Variants in ZBTB40 observed in about 807,000 individuals in gnomAD.
ZBTB40 encodes the protein zinc finger and BTB domain containing 40.
Under a neutral mutation model 117.5 loss-of-function variants are expected in ZBTB40, and 60 were observed. That is an observed-to-expected ratio of 0.51 (90% confidence interval 0.41 to 0.63). The LOEUF (loss-of-function observed/expected upper bound fraction) is 0.63. Among genes scored for constraint, ZBTB40 ranks in the 30% least tolerant of loss-of-function variants. ZBTB40 has a pLI of 0.00. For synonymous variants in ZBTB40, 525 were observed against 577.1 expected (o/e 0.91, Z 1.29); for missense variants, 1,287 against 1,498.5 (o/e 0.86, Z 2.33).
chr1:22,524,222 C>G lies in ZBTB40; in HGVS notation c.3303C>G (p.Ser1101=), dbSNP rs1639614758. 6.2e-7 allele frequency: 1 copy of G among 1,614,036 alleles called. No homozygotes were observed. Among genetic ancestry groups the G allele is most frequent in the Non-Finnish European group, 8.5e-7 (1 of 1,180,044 alleles). The change falls in exon 17 of 18, where the codon TCC becomes TCG. Residue 1101 remains serine, a synonymous_variant. Transcript: ENST00000375647. ...QVHVKCQHSG[S]QPFRCLYCAA... is the part of the protein sequence containing the mutation. ...TTCTGTCTCCCTCTCCTCCAGGGTC[C>G]CAGCCATTCCGGTGCTTGTACTGTG...
chr1:22,431,284 TATATATTGA>T (rs932415136), intron 1 of ZBTB40, among the ~76,000 whole-genome samples: 113 of 147,044 alleles, frequency 7.7e-4, no homozygotes, highest in Non-Finnish European at 1.3e-3. Context: ...TACAATATTG[TATATATTGA>T]ATATATTGAA....
chr1:22,485,868 T>G (rs1638452542), intron 1 of ZBTB40, among the ~76,000 whole-genome samples: 1 of 152,216 alleles, frequency 6.6e-6, no homozygotes, highest in African/African-American at 2.4e-5. Context: ...GTTATGGTGT[T>G]TTTTATCTCT....
At chr1:22,431,072 G>A (rs1484406564) in intron 1 of ZBTB40, among the ~76,000 whole-genome samples, 1 of 151,406 alleles carries the variant, frequency 6.6e-6, no homozygotes, top group Non-Finnish European at 1.5e-5. Context: ...CCTTGCTTTT[G>A]TTCTCTCTTC....
Position 22,471,117 on chromosome 1 carries a change from C to A in ZBTB40, c.-69-18763C>A, listed in dbSNP as rs143036941. The stretch of plus-strand genomic sequence containing the variant: ...CTTTGACAGGTTAAGATTTCTGTAT[C>A]GGCAAGGTTGACAACCAAACTAGAC... On this transcript the variant is annotated intron_variant, in intron 1 of 17. Transcript: ENST00000375647. 8.1e-3 allele frequency among the ~76,000 whole-genome samples: 1,241 copies of A among 152,364 alleles called. 6 individuals are homozygous for A. The highest frequency in any genetic ancestry group is 0.013 in the Non-Finnish European group (911 of 68,038).
intron 8 of ZBTB40, 113 bp from the exon 9 acceptor site, chr1:22,508,987 A>G: frequency 6.5e-7 from 1 of 1,548,434 alleles, no homozygotes; most frequent in Middle Eastern, 1.7e-4. Context: ...CCAACCTCAG[A>G]TAGGAGATAG....
intron 14 of ZBTB40, 29 bp downstream of exon 14, chr1:22,520,304 C>A (rs774412789): frequency 9.5e-6 from 15 of 1,573,800 alleles, no homozygotes; most frequent in Admixed American, 5.0e-5. Flanking sequence ...GGGAGCTCTT[C>A]CCCTCACCCC....
chr1:22,480,610 A>G (rs1189322203), intron 1 of ZBTB40, among the ~76,000 whole-genome samples: 1 of 151,878 alleles, frequency 6.6e-6, no homozygotes, highest in Admixed American at 6.6e-5. Flanking sequence ...TCGGCCTCCC[A>G]AAGTGCTGGG....
chr1:22,443,408 G>T (rs1405108114), intron 1 of ZBTB40, among the ~76,000 whole-genome samples: 1 of 152,236 alleles, frequency 6.6e-6, no homozygotes, highest in Non-Finnish European at 1.5e-5. Flanking sequence ...CAAAGCAGGG[G>T]CAAGGGCCTT....
At chr1:22,443,895 A>G (rs919530797) in intron 1 of ZBTB40, among the ~76,000 whole-genome samples, 1 of 152,182 alleles carries the variant, frequency 6.6e-6, no homozygotes, top group Admixed American at 6.5e-5. Flanking sequence ...AGTAGTGTAT[A>G]AACTCCAAAG....
At chr1:22,494,414 GTATAGAAAAAT>G (rs1638716565) in intron 3 of ZBTB40, among the ~76,000 whole-genome samples, 1 of 152,182 alleles carries the variant, frequency 6.6e-6, no homozygotes, top group South Asian at 2.1e-4. Flanking sequence ...CTCTAGCAAT[GTATAGAAAAAT>G]CATCTGAGGT....
chr1:22,467,408 A>G (rs1236415331), intron 1 of ZBTB40, among the ~76,000 whole-genome samples: 1 of 152,196 alleles, frequency 6.6e-6, no homozygotes, highest in Admixed American at 6.5e-5. Context: ...TTACCAGATT[A>G]TACTTCCATC....
At chr1:22,524,722 G>A (rs528592944) in intron 17 of ZBTB40, among the ~76,000 whole-genome samples, 61 of 152,320 alleles carry the variant, frequency 4.0e-4, no homozygotes, top group African/African-American at 1.4e-3. Context: ...GAAACACCGT[G>A]GGGTGTGGTG....
chr1:22,462,749 C>T (rs1205121399), intron 1 of ZBTB40, among the ~76,000 whole-genome samples: 4 of 152,122 alleles, frequency 2.6e-5, no homozygotes, highest in Non-Finnish European at 4.4e-5. Context: ...ATAGCCCAGC[C>T]GTCTTGTTAT....
At chr1:22,524,486 G>A (rs1006397671) in intron 17 of ZBTB40, 42 bp downstream of exon 17, 2 of 1,586,928 alleles carry the variant, frequency 1.3e-6, no homozygotes, top group African/African-American at 2.7e-5. Flanking sequence ...GCTAATGCAT[G>A]GTTCCTAAGG....
rs1639760518 is a variant in ZBTB40 at position 22,529,069 on chromosome 1, A to T, written c.*2673A>T. On this transcript the variant is annotated 3_prime_UTR_variant, in exon 18 of 18. Coordinates refer to ENST00000375647, the MANE Select transcript of ZBTB40 (RefSeq NM_014870.4). ...GAGTGGGCTCCGCACTGGCTGACTG[A>T]TTTTATAGTCTTGCTCTCTAGAGAA... The T allele has an allele frequency of 6.6e-6, 1 of 152,256 alleles. No homozygotes were observed. Among genetic ancestry groups the T allele is most frequent in the African/African-American group, 2.4e-5 (1 of 41,418 alleles). The allele number at this position is 152,256 out of a possible 1,614,324, so 9.4% of individuals were successfully genotyped here. A position where few individuals can be genotyped will look rare whatever the true frequency, so the allele number is the denominator to read the frequency against.
At chr1:22,451,801 C>T (rs1640875795), upstream of ZBTB40, 1 of 152,332 alleles carries the variant, frequency 6.6e-6, no homozygotes, top group Admixed American at 6.5e-5. Flanking sequence ...GCCCCGCCCC[C>T]AGCACGTGAC....
chr1:22,469,356 T>G (rs1641343474), intron 1 of ZBTB40, among the ~76,000 whole-genome samples: 2 of 152,098 alleles, frequency 1.3e-5, no homozygotes, highest in African/African-American at 4.8e-5. Flanking sequence ...TTGCCCAGGA[T>G]AGAGTGTGGT....
chr1:22,517,017 A>G (rs1212548914), intron 12 of ZBTB40, among the ~76,000 whole-genome samples: 2 of 152,042 alleles, frequency 1.3e-5, no homozygotes, highest in African/African-American at 4.8e-5. Flanking sequence ...GCTCTTCCAT[A>G]CTTGTGGTGG....
At chr1:22,517,266 G>A (rs752914585) in intron 12 of ZBTB40, 34 bp from the exon 13 acceptor site, 2 of 1,612,734 alleles carry the variant, frequency 1.2e-6, no homozygotes, top group South Asian at 2.2e-5. Flanking sequence ...TAAATTTTTA[G>A]TGCTGACTCT....
Sources: allele counts gnomAD v4.1 joint callset (sites outside exome capture counted in the v4.1 genomes callset), GRCh38; gene constraint gnomAD v4.1.1; transcripts MANE v1.5; gene names NCBI Gene and HGNC (gene_info 2026-07-23, HGNC 2026-07-21).